Variants in DGKB observed in about 807,000 individuals in gnomAD.
DGKB encodes diacylglycerol kinase beta.
Under a neutral mutation model 114.3 loss-of-function variants are expected in DGKB, and 67 were observed. The ratio of observed to expected loss-of-function variants is 0.59; its 90% confidence interval spans 0.48 to 0.72. The LOEUF is 0.72. DGKB is among the 30% of genes least tolerant of loss of function. The pLI, the probability that DGKB is intolerant of heterozygous loss-of-function variation, is 0.00. For synonymous variants in DGKB, 398 were observed against 323.1 expected (o/e 1.23, Z -2.49); for missense variants, 907 against 975.2 (o/e 0.93, Z 0.93).
chr7:14,897,363 C>G (rs1782269592), intron 1 of DGKB, among the ~76,000 whole-genome samples: 1 of 151,842 alleles, frequency 6.6e-6, no homozygotes, highest in Non-Finnish European at 1.5e-5. Flanking sequence ...TTACTCTTCT[C>G]TAGTGGTAGT....
intron 4 of DGKB, among the ~76,000 whole-genome samples, chr7:14,749,489 T>C (rs1333610057): frequency 5.3e-5 from 8 of 152,088 alleles, no homozygotes; most frequent in East Asian, 1.9e-4. Flanking sequence ...TAGTAAAAAA[T>C]AGGAAATGGC....
At chr7:14,527,849 A>C (rs1790891052) in intron 20 of DGKB, among the ~76,000 whole-genome samples, 1 of 152,066 alleles carries the variant, frequency 6.6e-6, no homozygotes, top group Non-Finnish European at 1.5e-5. Context: ...AAAACTATCA[A>C]TTCTTGCCAT....
intron 5 of DGKB, among the ~76,000 whole-genome samples, chr7:14,732,074 T>G (rs537106733): frequency 3.9e-5 from 6 of 152,286 alleles, no homozygotes; most frequent in Admixed American, 3.9e-4. Context: ...CATATGCATA[T>G]GTATAAATAC....
At chr7:14,273,165 T>C (rs928558615) in intron 23 of DGKB, among the ~76,000 whole-genome samples, 1 of 151,936 alleles carries the variant, frequency 6.6e-6, no homozygotes, top group African/African-American at 2.4e-5. Flanking sequence ...GGCAATATGG[T>C]GAAACCCCAA....
intron 1 of DGKB, among the ~76,000 whole-genome samples, chr7:14,930,729 C>G (rs574416963): frequency 6.6e-6 from 1 of 152,232 alleles, no homozygotes; most frequent in East Asian, 1.9e-4. Flanking sequence ...CTGCCTAGGA[C>G]TTCCAGTAGT....
chr7:14,714,622 A>G (rs77153210), intron 6 of DGKB, among the ~76,000 whole-genome samples: 11 of 146,808 alleles, frequency 7.5e-5, no homozygotes, highest in African/African-American at 2.2e-4. Context: ...AGGTGTTTGG[A>G]AAAAAAAACA....
At chr7:14,899,366 T>A (rs372148757) in intron 1 of DGKB, among the ~76,000 whole-genome samples, 2 of 152,152 alleles carry the variant, frequency 1.3e-5, no homozygotes, top group African/African-American at 4.8e-5. Context: ...ATGACTAGCA[T>A]AATCTAATTT....
chr7:14,595,091 T>A (rs1003238314), intron 17 of DGKB, among the ~76,000 whole-genome samples: 4 of 152,084 alleles, frequency 2.6e-5, no homozygotes, highest in Non-Finnish European at 4.4e-5. Flanking sequence ...AGGGGTGGCT[T>A]AATAAACTTG....
At chr7:14,704,868 A>G (rs1392524975) in intron 6 of DGKB, among the ~76,000 whole-genome samples, 1 of 152,150 alleles carries the variant, frequency 6.6e-6, no homozygotes, top group Non-Finnish European at 1.5e-5. Context: ...AAAGATGGGG[A>G]AAAAACAGAA....
At position 14,841,380 on chromosome 7, in the gene DGKB, C is replaced by T. The variant is rs1847908414; in HGVS notation, c.-117G>A. Reference sequence around the variant, plus strand: ...ATGTTTCATGATAAAATACCTCAGGCTTTCAAAATATGCAATCTGTCCACA... The same window carrying T: ...ATGTTTCATGATAAAATACCTCAGGTTTTCAAAATATGCAATCTGTCCACA... On this transcript the variant is annotated 5_prime_UTR_variant, in exon 2 of 26. Transcript: ENST00000402815. The T allele has an allele frequency of 6.2e-6, 5 of 809,636 alleles. No individual in the cohort carries two copies. The highest frequency in any genetic ancestry group is 9.6e-6 in the Non-Finnish European group (5 of 520,392). 50.2% of individuals were successfully genotyped at this position (809,636 alleles called of 1,614,324 possible).
intron 1 of DGKB, among the ~76,000 whole-genome samples, chr7:14,973,135 T>G (rs752833888): frequency 3.9e-5 from 6 of 151,926 alleles, no homozygotes; most frequent in Non-Finnish European, 7.4e-5. Context: ...AATTTTGAAG[T>G]TTTTTCACTA....
intron 23 of DGKB, among the ~76,000 whole-genome samples, chr7:14,193,864 C>T (rs1226466627): frequency 6.6e-6 from 1 of 151,940 alleles, no homozygotes; most frequent in Admixed American, 6.6e-5. Context: ...CCCCCAAATA[C>T]CTCATTTTAA....
intron 23 of DGKB, among the ~76,000 whole-genome samples, chr7:14,207,875 A>C (rs1356956322): frequency 6.6e-6 from 1 of 152,054 alleles, no homozygotes; most frequent in Non-Finnish European, 1.5e-5. Flanking sequence ...AACTAAAAAA[A>C]TGTAAAATGA....
chr7:14,227,485 T>A (rs190191857), intron 23 of DGKB, among the ~76,000 whole-genome samples: 38 of 152,142 alleles, frequency 2.5e-4, no homozygotes, highest in Non-Finnish European at 4.6e-4. Context: ...CCAAAAAGGA[T>A]CTGCTAAAGT....
chr7:14,888,697 T>C (rs1165782654), intron 1 of DGKB, among the ~76,000 whole-genome samples: 1 of 151,786 alleles, frequency 6.6e-6, no homozygotes, highest in Non-Finnish European at 1.5e-5. Flanking sequence ...TTGGTTCTAT[T>C]CCTTCACTTT....
At chr7:14,656,777 C>T (rs560116749) in intron 13 of DGKB, among the ~76,000 whole-genome samples, 2 of 142,862 alleles carry the variant, frequency 1.4e-5, no homozygotes, top group East Asian at 3.9e-4. Context: ...CACACATATC[C>T]TATATATATG....
chr7:14,848,802 G>T (rs1317455158), intron 1 of DGKB, among the ~76,000 whole-genome samples: 1 of 152,046 alleles, frequency 6.6e-6, no homozygotes, highest in African/African-American at 2.4e-5. Context: ...CCCTTAAATG[G>T]TCCATATTTG....
At chr7:14,494,366 C>T (rs1379176663) in intron 20 of DGKB, among the ~76,000 whole-genome samples, 1 of 151,018 alleles carries the variant, frequency 6.6e-6, no homozygotes. Flanking sequence ...AATGTATAAG[C>T]ATCTTGAGAC....
At chr7:14,696,499 C>G (rs934723847) in intron 8 of DGKB, among the ~76,000 whole-genome samples, 2 of 44,024 alleles carry the variant, frequency 4.5e-5, no homozygotes, top group African/African-American at 1.8e-4. Flanking sequence ...GAGACTCCGT[C>G]TCAAAAAAAA....
Sources: allele counts gnomAD v4.1 joint callset (sites outside exome capture counted in the v4.1 genomes callset), GRCh38; gene constraint gnomAD v4.1.1; transcripts MANE v1.5; gene names NCBI Gene and HGNC (gene_info 2026-07-23, HGNC 2026-07-21).